The following ZNF518A variants were observed in gnomAD, a reference collection of about 807,000 sequenced individuals.
ZNF518A encodes zinc finger protein 518.
Under a neutral mutation model 102.7 loss-of-function variants are expected in ZNF518A, and 47 were observed. The observed-to-expected ratio is 0.46, with a 90% CI of 0.36 to 0.58. The LOEUF (loss-of-function observed/expected upper bound fraction) is 0.58. ZNF518A is among the 20% of genes least tolerant of loss of function. The pLI is 0.00. For missense variants in ZNF518A, 1,793 were observed against 1,699.8 expected (o/e 1.05, Z -0.96); for synonymous variants, 652 against 594.6 (o/e 1.10, Z -1.40).
At chr10:96,164,183 T>G (rs1376264033), downstream of ZNF518A, among the ~76,000 whole-genome samples, 1 of 152,168 alleles carries the variant, frequency 6.6e-6, no homozygotes, top group African/African-American at 2.4e-5. Context: ...TGGGAGAAAA[T>G]GGAGGTGAAT....
rs1348043941 is a variant in ZNF518A, at chr10:96,172,351, G to T, written n.35+16304G>T. On this transcript the variant is annotated intron_variant and non_coding_transcript_variant, in intron 1 of 2. Coordinates refer to the ZNF518A transcript ENST00000442635. ...GGGAATAAAGCTATTTTGCAGTAAG[G>T]AAATGACACCAGAGAGTATCTCAAA... Among the ~76,000 whole-genome samples the T allele has an allele frequency of 3.3e-5, 5 of 152,056 alleles. No individual in the cohort carries two copies. In the South Asian group the frequency reaches 1.0e-3, roughly 32 times the overall value.
chr10:96,161,132 T>G lies in ZNF518A; in HGVS notation c.*358T>G, dbSNP rs1347595194. On this transcript the variant is annotated 3_prime_UTR_variant, in exon 6 of 6. Coordinates refer to ENST00000316045, the MANE Select transcript of ZNF518A (RefSeq NM_001330736.2). Reference sequence around the variant, plus strand: ...ATGGCTGACACCCCCATTCCCTCTCTTCTTCCACCAGCCTTATGCATCTAA... The same window carrying G: ...ATGGCTGACACCCCCATTCCCTCTCGTCTTCCACCAGCCTTATGCATCTAA... 1 of 180,642 alleles carries G rather than the reference T, an allele frequency of 5.5e-6. No homozygotes were observed. The highest frequency in any genetic ancestry group is 1.3e-5 in the Non-Finnish European group (1 of 77,700). The allele number at this position is 180,642 out of a possible 1,614,324, so 11.2% of individuals were successfully genotyped here.
At chr10:96,176,922 A>G (rs1205961247) in intron 1 of ZNF518A, among the ~76,000 whole-genome samples, 1 of 151,896 alleles carries the variant, frequency 6.6e-6, no homozygotes, top group East Asian at 1.9e-4. Flanking sequence ...AAAGCAATAA[A>G]AACAACTTAG....
chr10:96,184,040 T>C (rs1255317012), intron 1 of ZNF518A, among the ~76,000 whole-genome samples: 1 of 152,256 alleles, frequency 6.6e-6, no homozygotes, highest in Non-Finnish European at 1.5e-5. Flanking sequence ...GCTCTTCTTG[T>C]TGAATTCGTC....
chr10:96,132,154 G>C (rs1189617409), intron 1 of ZNF518A, among the ~76,000 whole-genome samples: 1 of 151,472 alleles, frequency 6.6e-6, no homozygotes, highest in Non-Finnish European at 1.5e-5. Flanking sequence ...TTTATTATCT[G>C]GTCCCAGGTG....
chr10:96,149,159 G>A (rs1441413807), intron 3 of ZNF518A, among the ~76,000 whole-genome samples: 1 of 152,158 alleles, frequency 6.6e-6, no homozygotes, highest in Non-Finnish European at 1.5e-5. Context: ...CAACAGATAA[G>A]TCTAACTCTG....
chr10:96,143,984 C>T (rs1554877512), intron 3 of ZNF518A, among the ~76,000 whole-genome samples: 2 of 152,046 alleles, frequency 1.3e-5, no homozygotes, highest in African/African-American at 4.8e-5. Context: ...CAGTCTGCAG[C>T]TTCCTTTGTT....
intron 3 of ZNF518A, among the ~76,000 whole-genome samples, chr10:96,145,330 A>C (rs1219179548): frequency 6.6e-6 from 1 of 152,312 alleles, no homozygotes; most frequent in Middle Eastern, 3.4e-3. Context: ...TTGGCCTCCC[A>C]AAGTGTTGGG....
At chr10:96,172,707 G>A (rs2083180733) in intron 1 of ZNF518A, among the ~76,000 whole-genome samples, 1 of 151,864 alleles carries the variant, frequency 6.6e-6, no homozygotes, top group Admixed American at 6.6e-5. Context: ...TCATTAAAGG[G>A]ATTAAAATTT....
chr10:96,188,274 G>C (rs1028803031), intron 1 of ZNF518A, among the ~76,000 whole-genome samples: 9 of 152,200 alleles, frequency 5.9e-5, no homozygotes, highest in Non-Finnish European at 1.3e-4. Flanking sequence ...TGTTGGATTG[G>C]GTAGTTCTCC....
In ZNF518A at chr10:96,200,995, G is replaced by A; in HGVS notation, n.36-2579G>A. On this transcript the variant is annotated intron_variant and non_coding_transcript_variant, in intron 1 of 2. Coordinates refer to the ZNF518A transcript ENST00000442635. This position sits in a 1 kb window ranked among gnomAD's most constrained non-coding sequence, Gnocchi z 4.3. Reference sequence around the variant, plus strand: ...TTCATTTCATACCTGTTCTGAAATAGTGGAATTAGATGAAAAGCTGGGTAG... The same window carrying A: ...TTCATTTCATACCTGTTCTGAAATAATGGAATTAGATGAAAAGCTGGGTAG... 6.2e-7 allele frequency: 1 copy of A among 1,614,014 alleles called. No homozygotes were observed. Among genetic ancestry groups the A allele is most frequent in the Non-Finnish European group, 8.5e-7 (1 of 1,179,878 alleles).
chr10:96,148,726 T>G (rs962371362), intron 3 of ZNF518A, among the ~76,000 whole-genome samples: 4 of 152,044 alleles, frequency 2.6e-5, no homozygotes, highest in Non-Finnish European at 5.9e-5. Context: ...AGCTCCAGAA[T>G]TTTTTTTGAG....
intron 3 of ZNF518A, among the ~76,000 whole-genome samples, chr10:96,153,033 TCCAAGTC>T (rs2082526488): frequency 6.6e-6 from 1 of 152,170 alleles, no homozygotes; most frequent in Non-Finnish European, 1.5e-5. Flanking sequence ...TATGATTCAG[TCCAAGTC>T]CAAACGCCTC....
chr10:96,165,774 A>G (rs950552620), downstream of ZNF518A, among the ~76,000 whole-genome samples: 35 of 152,280 alleles, frequency 2.3e-4, no homozygotes, highest in African/African-American at 7.5e-4. Context: ...AAAACTGACA[A>G]CACATTATTA....
chr10:96,154,147 A>G (rs2082582502), intron 3 of ZNF518A, among the ~76,000 whole-genome samples: 1 of 152,302 alleles, frequency 6.6e-6, no homozygotes, highest in Non-Finnish European at 1.5e-5. Context: ...CCTGGGCAAC[A>G]TGGCGAAACC....
At position 96,147,166 on chromosome 10, in the gene ZNF518A, C is replaced by T. The variant is rs587633629; in HGVS notation, c.-301-8160C>T. Reference sequence around the variant, plus strand: ...GGTATGGAGGGAAAAGCAGGAACATCATGAGTTTATGTCAATACAAGCCAA... The same window carrying T: ...GGTATGGAGGGAAAAGCAGGAACATTATGAGTTTATGTCAATACAAGCCAA... On this transcript the variant is annotated intron_variant, in intron 3 of 5. Coordinates refer to ENST00000316045, the MANE Select transcript of ZNF518A (RefSeq NM_001330736.2). Among the ~76,000 whole-genome samples, 257 of 152,304 alleles carry T rather than the reference C, an allele frequency of 1.7e-3. 2 individuals are homozygous for T. Among genetic ancestry groups the T allele is most frequent in the Non-Finnish European group, 2.9e-3 (197 of 68,020 alleles).
chr10:96,189,698 A>ATCATCATC, intron 1 of ZNF518A: 1 of 655,362 alleles, frequency 1.5e-6, no homozygotes, highest in South Asian at 1.5e-5. Context: ...TCATCATCAA[A>ATCATCATC]ATCATCATCA....
chr10:96,199,488 G>A (rs1346608533), intron 1 of ZNF518A: 4 of 461,690 alleles, frequency 8.7e-6, no homozygotes, highest in African/African-American at 7.9e-5. Context: ...CTCCCCTGGA[G>A]CTTTCTCGTC....
At chr10:96,192,243 T>C in intron 1 of ZNF518A, 1 of 1,109,296 alleles carries the variant, frequency 9.0e-7, no homozygotes, top group Non-Finnish European at 1.3e-6. Context: ...ACAAAGGCTG[T>C]AACCTTCAAG....
Sources: gnomAD v4.1 joint callset for allele counts (sites outside exome capture counted in the v4.1 genomes callset) on GRCh38, gnomAD v4.1.1 for gene constraint, Gnocchi (gnomAD v3.1) non-coding constraint, MANE v1.5 for transcripts, NCBI Gene and HGNC (gene_info 2026-07-23, HGNC 2026-07-21) for gene names.